The following WDR72 variants were observed in gnomAD, a reference collection of about 807,000 sequenced individuals.
The protein encoded by WDR72 is WD repeat-containing protein 72.
A neutral mutation model predicts 124.2 loss-of-function variants in WDR72; 120 were observed. The observed-to-expected ratio is 0.97, with a 90% CI of 0.83 to 1.12. The LOEUF (loss-of-function observed/expected upper bound fraction) is 1.12. Among genes scored for constraint, WDR72 ranks in the 50% most tolerant of loss-of-function variants. The pLI is 0.00. For synonymous variants in WDR72, 452 were observed against 441.7 expected (o/e 1.02, Z -0.29); for missense variants, 1,387 against 1,278.8 (o/e 1.08, Z -1.29).
rs144805629 is a variant in WDR72, at chr15:53,726,801, G to C, written c.154-3893C>G. On this transcript the variant is annotated intron_variant, in intron 2 of 19. Coordinates refer to ENST00000360509, the MANE Select transcript of WDR72 (RefSeq NM_182758.4). ...CAAGGCTGCAGCAAGCTGAGCTCAT[G>C]CCACTGCACTCCAGACTGGGTGACA... Among the ~76,000 whole-genome samples, 55 of 152,220 alleles carry C rather than the reference G, an allele frequency of 3.6e-4. No individual in the cohort carries two copies. In the East Asian group the frequency reaches 0.011, roughly 29 times the overall value.
At chr15:53,644,326 A>G (rs2014964458) in intron 14 of WDR72, among the ~76,000 whole-genome samples, 1 of 152,110 alleles carries the variant, frequency 6.6e-6, no homozygotes, top group African/African-American at 2.4e-5. Context: ...TAAGATGTTT[A>G]AGGAAAAAAA....
In WDR72 at chr15:53,613,235, A is replaced by G. The variant is rs146302867; in HGVS notation, c.2872+431T>C. The stretch of plus-strand genomic sequence containing the variant: ...TGCAAGAAAATTATCTAATATAATA[A>G]TCATTTATTTGGTAATAAAGATGAT... On this transcript the variant is annotated intron_variant, in intron 16 of 19. Coordinates refer to ENST00000360509, the MANE Select transcript of WDR72 (RefSeq NM_182758.4). Among the ~76,000 whole-genome samples the G allele has an allele frequency of 2.1e-3, 327 of 152,232 alleles. 1 individual carries two copies. The highest frequency in any genetic ancestry group is 6.9e-3 in the African/African-American group (287 of 41,568).
At chr15:53,690,074 G>A (rs1339820518) in intron 13 of WDR72, among the ~76,000 whole-genome samples, 1 of 120,360 alleles carries the variant, frequency 8.3e-6, no homozygotes, top group African/African-American at 3.2e-5. Context: ...TGTGGGGTGG[G>A]GGGAGGGGGG....
intron 18 of WDR72, among the ~76,000 whole-genome samples, chr15:53,553,896 A>C (rs1327738899): frequency 1.3e-5 from 2 of 152,222 alleles, no homozygotes; most frequent in African/African-American, 4.8e-5. Flanking sequence ...ATATGGCTTT[A>C]AACTAAACTA....
Position 53,517,526 on chromosome 15 carries a change from G to A in WDR72, c.*173C>T. On this transcript the variant is annotated 3_prime_UTR_variant, in exon 20 of 20. Coordinates refer to ENST00000360509, the MANE Select transcript of WDR72 (RefSeq NM_182758.4). ...ATTTTCAATCAGTATGTATTGCATT[G>A]TAATCAGCATGTATTAAAATCACTT... 1.5e-6 allele frequency: 1 copy of A among 682,920 alleles called. No individual in the cohort carries two copies. The highest frequency in any genetic ancestry group is 1.6e-5 in the South Asian group (1 of 63,486). The allele number at this position is 682,920 out of a possible 1,614,324, so 42.3% of individuals were successfully genotyped here. A position where few individuals can be genotyped will look rare whatever the true frequency, so the allele number is the denominator to read the frequency against.
At chr15:53,532,320 T>A (rs187995085) in intron 18 of WDR72, among the ~76,000 whole-genome samples, 1 of 152,104 alleles carries the variant, frequency 6.6e-6, no homozygotes, top group South Asian at 2.1e-4. Flanking sequence ...GAAATCAGTA[T>A]GTCAAAGGGA....
chr15:53,752,911 G>GTATCAA (rs1478830559), intron 1 of WDR72, among the ~76,000 whole-genome samples: 1 of 151,920 alleles, frequency 6.6e-6, no homozygotes, highest in African/African-American at 2.4e-5. Context: ...TCAATAATTA[G>GTATCAA]TATCTAGTAA....
At chr15:53,632,533 G>A (rs992263793) in intron 14 of WDR72, among the ~76,000 whole-genome samples, 9 of 152,148 alleles carry the variant, frequency 5.9e-5, no homozygotes, top group African/African-American at 1.7e-4. Context: ...CTGCTTAGTG[G>A]AGCTATGAGA....
chr15:53,582,908 G>A (rs2054139287), intron 18 of WDR72, among the ~76,000 whole-genome samples: 1 of 151,478 alleles, frequency 6.6e-6, no homozygotes, highest in African/African-American at 2.4e-5. Flanking sequence ...TTTTAAAATG[G>A]GCAATATATT....
chr15:53,629,191 CGAGAGAGAGAGA>C (rs5812700), intron 14 of WDR72, among the ~76,000 whole-genome samples: 1 of 135,720 alleles, frequency 7.4e-6, no homozygotes, highest in Admixed American at 7.2e-5. Context: ...AGAGAGACAG[CGAGAGAGAGAGA>C]GAGAGAGAGT....
chr15:53,654,246 A>G (rs1352664988), intron 14 of WDR72, among the ~76,000 whole-genome samples: 1 of 152,204 alleles, frequency 6.6e-6, no homozygotes, highest in African/African-American at 2.4e-5. Flanking sequence ...GATTTAAGAG[A>G]TATGATGTAT....
chr15:53,624,778 C>A (rs1310891606), intron 14 of WDR72, among the ~76,000 whole-genome samples: 5 of 151,994 alleles, frequency 3.3e-5, no homozygotes, highest in African/African-American at 1.2e-4. Flanking sequence ...AACATAATTC[C>A]AGCTAGTCAT....
chr15:53,568,121 T>C, intron 18 of WDR72, among the ~76,000 whole-genome samples: 1 of 150,452 alleles, frequency 6.6e-6, no homozygotes, highest in East Asian at 1.9e-4. Context: ...TTCTAAGTAT[T>C]AGTCAATGAA....
intron 18 of WDR72, among the ~76,000 whole-genome samples, chr15:53,532,234 A>C (rs1366974750): frequency 6.6e-6 from 1 of 152,122 alleles, no homozygotes; most frequent in African/African-American, 2.4e-5. Flanking sequence ...AACAGTATGG[A>C]GGTTTCTCAA....
chr15:53,711,607 T>C lies in WDR72; in HGVS notation c.712-126A>G, dbSNP rs113848729. 8.0e-6 allele frequency: 8 copies of C among 1,000,684 alleles called. No homozygotes were observed. In the South Asian group the frequency reaches 8.4e-5, roughly 11 times the overall value. The allele number at this position is 1,000,684 out of a possible 1,614,324, so 62.0% of individuals were successfully genotyped here. Reference sequence around the variant, plus strand: ...GTTAATAACAGACCATACTGTACTCTCATATTAAGATGATATTTTACCATG... The same window carrying C: ...GTTAATAACAGACCATACTGTACTCCCATATTAAGATGATATTTTACCATG... On this transcript the variant is annotated intron_variant, in intron 7 of 19. Coordinates refer to ENST00000360509, the MANE Select transcript of WDR72 (RefSeq NM_182758.4).
chr15:53,696,658 T>G (rs1412520278), intron 13 of WDR72, among the ~76,000 whole-genome samples: 6 of 152,190 alleles, frequency 3.9e-5, no homozygotes, highest in Admixed American at 6.5e-5. Context: ...CATTCAACCT[T>G]TGTAAGTAAA....
intron 18 of WDR72, chr15:53,540,815 G>C (rs942184705): frequency 7.8e-5 from 12 of 154,600 alleles, no homozygotes; most frequent in African/African-American, 2.9e-4. Context: ...AGCAGGGCGA[G>C]GCATTGCCTC....
At chr15:53,695,675 T>G (rs2016979816) in intron 13 of WDR72, among the ~76,000 whole-genome samples, 1 of 152,100 alleles carries the variant, frequency 6.6e-6, no homozygotes. Context: ...CCTCAGTTGT[T>G]TGCCACTCCC....
chr15:53,650,093 G>A (rs889219677), intron 14 of WDR72, among the ~76,000 whole-genome samples: 3 of 134,716 alleles, frequency 2.2e-5, no homozygotes, highest in African/African-American at 8.6e-5. Flanking sequence ...ACATACAATG[G>A]AATAACATTT....
Sources: allele counts gnomAD v4.1 joint callset (sites outside exome capture counted in the v4.1 genomes callset), GRCh38; gene constraint gnomAD v4.1.1; transcripts MANE v1.5; gene names NCBI Gene and HGNC (gene_info 2026-07-23, HGNC 2026-07-21).